The following SLC44A1 variants were observed in gnomAD, a reference collection of about 807,000 sequenced individuals.
The protein encoded by SLC44A1 is choline transporter-like protein 1.
Under a neutral mutation model 79.3 loss-of-function variants are expected in SLC44A1, and 26 were observed. The observed-to-expected ratio is 0.33, with a 90% CI of 0.24 to 0.46. The LOEUF (loss-of-function observed/expected upper bound fraction) is 0.46, where lower values mean the gene tolerates loss of function less well. Among genes scored for constraint, SLC44A1 ranks in the 20% least tolerant of loss-of-function variants. The pLI is 1.00. For synonymous variants in SLC44A1, 263 were observed against 286.2 expected (o/e 0.92, Z 0.82); for missense variants, 688 against 798.1 (o/e 0.86, Z 1.66).
intron 1 of SLC44A1, among the ~76,000 whole-genome samples, chr9:105,289,125 G>A (rs185674372): frequency 2.0e-5 from 3 of 152,324 alleles, no homozygotes; most frequent in East Asian, 1.9e-4. Context: ...CGGTAAGGCC[G>A]TCTGTTCTAA....
intron 15 of SLC44A1, among the ~76,000 whole-genome samples, chr9:105,415,943 C>T (rs889399272): frequency 2.0e-5 from 3 of 147,310 alleles, no homozygotes; most frequent in South Asian, 2.2e-4. Flanking sequence ...GCTCTGTCGC[C>T]CAGGTTGAAG....
intron 3 of SLC44A1, among the ~76,000 whole-genome samples, chr9:105,320,228 G>A (rs769436273): frequency 1.2e-4 from 18 of 150,256 alleles, no homozygotes; most frequent in Non-Finnish European, 2.2e-4. Flanking sequence ...ATTCCATTGT[G>A]TGGCTATAAC....
chr9:105,413,035 G>T (rs7020415), intron 15 of SLC44A1, among the ~76,000 whole-genome samples: 4,224 of 152,258 alleles, frequency 0.028, 178 homozygotes, highest in African/African-American at 0.096. Flanking sequence ...GAAAAGCAAT[G>T]ATTACTATAT....
intron 15 of SLC44A1, among the ~76,000 whole-genome samples, chr9:105,388,487 TTTTAA>T (rs1450251618): frequency 6.6e-6 from 1 of 152,214 alleles, no homozygotes; most frequent in African/African-American, 2.4e-5. Flanking sequence ...CAATGAGATA[TTTTAA>T]TTTAGGCTTC....
In SLC44A1 at chr9:105,396,560, C is replaced by A. The variant is rs1038410647; in HGVS notation, c.*7504C>A. On this transcript the variant is annotated 3_prime_UTR_variant, in exon 16 of 16. Transcript: ENST00000374720. ...CAGTAGGGACCTGCTATTGATCTCT[C>A]AGGCACTGAGTCTTCACATCCAGTG... 6.1e-6 allele frequency: 6 copies of A among 985,290 alleles called. No homozygotes were observed. In the African/African-American group the frequency reaches 1.0e-4, roughly 17 times the overall value. The allele number at this position is 985,290 out of a possible 1,614,324, so 61.0% of individuals were successfully genotyped here.
intron 2 of SLC44A1, among the ~76,000 whole-genome samples, chr9:105,303,689 G>GAAGAGGTAGAAGGGGAGGCCTC (rs1426167966): frequency 2.0e-5 from 3 of 152,200 alleles, no homozygotes; most frequent in African/African-American, 4.8e-5. Context: ...ACCCAGAAGA[G>GAAGAGGTAGAAGGGGAGGCCTC]AAGAGGTAGA....
chr9:105,421,310 G>A (rs1829245817), intron 15 of SLC44A1, among the ~76,000 whole-genome samples: 1 of 152,148 alleles, frequency 6.6e-6, no homozygotes, highest in Non-Finnish European at 1.5e-5. Context: ...ACTGTGCTAA[G>A]GGCTTTCTAG....
intron 1 of SLC44A1, among the ~76,000 whole-genome samples, chr9:105,272,430 G>C (rs567163702): frequency 1.3e-5 from 2 of 152,192 alleles, no homozygotes; most frequent in South Asian, 4.1e-4. Flanking sequence ...CTTCAATGCA[G>C]TGCTATGCAG....
chr9:105,309,489 C>G (rs541997265), intron 2 of SLC44A1, among the ~76,000 whole-genome samples: 1 of 152,170 alleles, frequency 6.6e-6, no homozygotes, highest in South Asian at 2.1e-4. Context: ...CAAAGTTGAC[C>G]TTATGATGTA....
At chr9:105,300,229 C>G (rs1483222318) in intron 2 of SLC44A1, among the ~76,000 whole-genome samples, 1 of 152,164 alleles carries the variant, frequency 6.6e-6, no homozygotes, top group African/African-American at 2.4e-5. Flanking sequence ...CAGGTCTGTT[C>G]ACTTCCAGAT....
At chr9:105,250,298 TG>T (rs1327206223) in intron 1 of SLC44A1, among the ~76,000 whole-genome samples, 1 of 152,190 alleles carries the variant, frequency 6.6e-6, no homozygotes, top group Non-Finnish European at 1.5e-5. Context: ...GAGAGTAGCA[TG>T]GTACAGCAAA....
chr9:105,384,921 T>C (rs748324891), intron 14 of SLC44A1, among the ~76,000 whole-genome samples: 1 of 152,244 alleles, frequency 6.6e-6, no homozygotes, highest in Non-Finnish European at 1.5e-5. Flanking sequence ...ATTGACACTT[T>C]TTTTAAAAAG....
chr9:105,344,380 A>G (rs1330525154), intron 4 of SLC44A1, among the ~76,000 whole-genome samples: 1 of 152,180 alleles, frequency 6.6e-6, no homozygotes, highest in African/African-American at 2.4e-5. Flanking sequence ...GTCTGGAGAC[A>G]TTTTTGGCTG....
Position 105,374,630 on chromosome 9 carries a change from C to G in SLC44A1, c.1527C>G (p.Thr509=). ...NAYTATAINS[T]NFCTSAKDAF... is the part of the protein sequence containing the mutation. ...ACACAGCCACAGCTATCAACAGCAC[C>G]AACTTCTGCACCTCAGCAAAGGATG... is the stretch of plus-strand genomic sequence containing the variant. Residue 509 remains threonine (T), a synonymous_variant, in exon 13 of 16, where the codon ACC becomes ACG. Transcript: ENST00000374720. 1 of 1,614,010 alleles carries G rather than the reference C, an allele frequency of 6.2e-7. No individual in the cohort carries two copies. The highest frequency in any genetic ancestry group is 8.5e-7 in the Non-Finnish European group (1 of 1,179,968).
rs778314483 is a variant in SLC44A1, at chr9:105,335,658, T to G, written c.365T>G (p.Leu122Arg). 2.7e-5 allele frequency: 44 copies of G among 1,613,676 alleles called. No individual in the cohort carries two copies. Among genetic ancestry groups the G allele is most frequent in the Non-Finnish European group, 3.7e-5 (44 of 1,179,814 alleles). ...LCVAACPRQELKTLSDVQKFA... is the reference protein window; with the variant it reads ...LCVAACPRQERKTLSDVQKFA... ...GTAGCAGCGTGTCCAAGGCAAGAAC[T>G]GAAAACTCTGAGTGATGTTCAGAAG... The change falls in exon 4 of 16, where the codon CTG (leucine) becomes CGG (arginine). Residue 122 changes from leucine (L) to arginine (R), a missense_variant. Coordinates refer to ENST00000374720, the MANE Select transcript of SLC44A1 (RefSeq NM_080546.5).
chr9:105,373,730 T>G (rs143020697), intron 12 of SLC44A1, among the ~76,000 whole-genome samples: 1 of 152,214 alleles, frequency 6.6e-6, no homozygotes, highest in African/African-American at 2.4e-5. Flanking sequence ...ACCCTCAGTT[T>G]TACACTGTGA....
At chr9:105,268,172 C>G (rs1381425963) in intron 1 of SLC44A1, among the ~76,000 whole-genome samples, 1 of 152,160 alleles carries the variant, frequency 6.6e-6, no homozygotes, top group Non-Finnish European at 1.5e-5. Flanking sequence ...TGCTCTCATG[C>G]AACCCAATGA....
At chr9:105,298,008 C>G (rs975128054) in intron 1 of SLC44A1, among the ~76,000 whole-genome samples, 2 of 151,722 alleles carry the variant, frequency 1.3e-5, no homozygotes, top group African/African-American at 2.4e-5. Context: ...GTGTGAGACT[C>G]GGGCATTTTT....
Position 105,244,906 on chromosome 9 carries a change from T to C in SLC44A1, c.36+2T>C. 3.4e-6 allele frequency: 4 copies of C among 1,178,890 alleles called. No individual in the cohort carries two copies. The highest frequency in any genetic ancestry group is 3.1e-6 in the Non-Finnish European group (3 of 955,176). 73.0% of individuals were successfully genotyped at this position (1,178,890 alleles called of 1,614,324 possible). A position where few individuals can be genotyped will look rare whatever the true frequency, so the allele number is the denominator to read the frequency against. On this transcript the variant is annotated splice_donor_variant, in intron 1 of 15. Transcript: ENST00000374720. LOFTEE classifies it high-confidence loss of function. Reference sequence around the variant, plus strand: ...AGCTCCGCCTCCTCCGCCGCGCAGGTGAGGGGCTCCCGCCTCCCGGCCGCC... The same window carrying C: ...AGCTCCGCCTCCTCCGCCGCGCAGGCGAGGGGCTCCCGCCTCCCGGCCGCC...
Sources: gnomAD v4.1 joint callset for allele counts (sites outside exome capture counted in the v4.1 genomes callset) on GRCh38, gnomAD v4.1.1 for gene constraint, MANE v1.5 for transcripts, NCBI Gene and HGNC (gene_info 2026-07-23, HGNC 2026-07-21) for gene names.